The following TNIK variants were observed in gnomAD, a reference collection of about 807,000 sequenced individuals.
TNIK encodes the protein TRAF2 and NCK interacting kinase, also known as TRAF2 and NCK-interacting protein kinase.
A neutral mutation model predicts 191.3 loss-of-function variants in TNIK; 49 were observed. The ratio of observed to expected loss-of-function variants is 0.26; its 90% CI spans 0.20 to 0.32. The LOEUF (loss-of-function observed/expected upper bound fraction) is 0.32. Among genes scored for constraint, TNIK ranks in the 10% least tolerant of loss-of-function variants. TNIK has a pLI of 1.00. For synonymous variants in TNIK, 594 were observed against 600.9 expected (o/e 0.99, Z 0.17); for missense variants, 1,155 against 1,702.3 (o/e 0.68, Z 5.66).
At position 171,110,874 on chromosome 3, in the gene TNIK, G is replaced by A; in HGVS notation, c.2124C>T (p.Asn708=). 1 of 1,600,242 alleles carries A rather than the reference G, an allele frequency of 6.2e-7. No homozygotes were observed. Among genetic ancestry groups the A allele is most frequent in the Non-Finnish European group, 8.5e-7 (1 of 1,174,092 alleles). ...RLGSQPIRAS[N]PDLRRTEPIL... is the part of the protein sequence containing the mutation. ...TGGGCTCAGTTCTCCGGAGATCAGG[G>A]TTGCTGTGTGAGTGACAGAGCACAC... Residue 708 remains asparagine (N), a synonymous_variant, in exon 19 of 33, where the codon AAC becomes AAT. Transcript: ENST00000436636.
intron 1 of TNIK, among the ~76,000 whole-genome samples, chr3:171,394,460 T>G (rs181588641): frequency 6.6e-6 from 1 of 152,296 alleles, no homozygotes; most frequent in East Asian, 1.9e-4. Context: ...CACACTCTAA[T>G]TTGGGGCTCT....
At chr3:171,419,599 G>T (rs1359685763) in intron 1 of TNIK, among the ~76,000 whole-genome samples, 1 of 152,196 alleles carries the variant, frequency 6.6e-6, no homozygotes, top group East Asian at 1.9e-4. Flanking sequence ...GAAGTCCTGG[G>T]CTCAGATCCC....
intron 15 of TNIK, among the ~76,000 whole-genome samples, chr3:171,136,155 A>T (rs1183712158): frequency 6.6e-6 from 1 of 152,196 alleles, no homozygotes; most frequent in Non-Finnish European, 1.5e-5. Flanking sequence ...CAACATAATG[A>T]TCTTTTCCAA....
At chr3:171,172,075 G>A (rs555696915) in intron 9 of TNIK, among the ~76,000 whole-genome samples, 5 of 152,238 alleles carry the variant, frequency 3.3e-5, no homozygotes, top group African/African-American at 1.2e-4. Context: ...TTCCCTCCAC[G>A]ATGACAGTGG....
At chr3:171,456,275 GT>G (rs1728788048) in intron 1 of TNIK, among the ~76,000 whole-genome samples, 5 of 152,206 alleles carry the variant, frequency 3.3e-5, no homozygotes, top group Admixed American at 3.3e-4. Flanking sequence ...CGCCTCATAT[GT>G]AATAAAGCAC....
chr3:171,108,073 G>T lies in TNIK; in HGVS notation c.2374C>A (p.Arg792=). 1.3e-6 allele frequency: 2 copies of T among 1,564,506 alleles called. No homozygotes were observed. The highest frequency in any genetic ancestry group is 1.7e-6 in the Non-Finnish European group (2 of 1,153,452). ...GAGAGAAAAGCACTCACAGCTGGTCGACTGGGCCGGGTAATGTCCCTGGAT... is the reference window on the plus strand; with the variant it reads ...GAGAGAAAAGCACTCACAGCTGGTCTACTGGGCCGGGTAATGTCCCTGGAT... ...EESRDITRPS[R]PASYKKAIDE... The change falls in exon 20 of 33, where the codon CGA becomes AGA. Residue 792 remains arginine, a synonymous_variant. Transcript: ENST00000436636.
At chr3:171,194,385 C>G in intron 5 of TNIK, 140 bp downstream of exon 5, 1 of 733,232 alleles carries the variant, frequency 1.4e-6, no homozygotes, top group South Asian at 1.9e-5. Flanking sequence ...ACCACCACCA[C>G]TGATAGGATA....
chr3:171,148,629 A>C (rs1731966669), intron 12 of TNIK, among the ~76,000 whole-genome samples: 1 of 152,202 alleles, frequency 6.6e-6, no homozygotes, highest in African/African-American at 2.4e-5. Context: ...GTATTTACAG[A>C]GAGGGCCACT....
At chr3:171,092,729 T>A (rs370405124) in intron 23 of TNIK, among the ~76,000 whole-genome samples, 21 of 152,366 alleles carry the variant, frequency 1.4e-4, no homozygotes, top group African/African-American at 5.0e-4. Context: ...CCACTGCTAA[T>A]TATTATTTCA....
chr3:171,125,353 G>C (rs188568233), intron 17 of TNIK, among the ~76,000 whole-genome samples: 1 of 152,114 alleles, frequency 6.6e-6, no homozygotes, highest in Non-Finnish European at 1.5e-5. Flanking sequence ...TGGAATGGCT[G>C]GTCATTTTAC....
At chr3:171,377,015 C>T (rs1218056858) in intron 1 of TNIK, among the ~76,000 whole-genome samples, 2 of 152,168 alleles carry the variant, frequency 1.3e-5, no homozygotes, top group Non-Finnish European at 2.9e-5. Context: ...TGCATTTTTA[C>T]AATGTCGCAT....
intron 28 of TNIK, among the ~76,000 whole-genome samples, chr3:171,071,607 A>ATG (rs1193001872): frequency 6.6e-6 from 1 of 152,122 alleles, no homozygotes. Context: ...CTAGGTCTTG[A>ATG]TGTTGATATT....
intron 9 of TNIK, among the ~76,000 whole-genome samples, chr3:171,170,740 A>G (rs983007688): frequency 1.1e-4 from 17 of 152,186 alleles, no homozygotes; most frequent in African/African-American, 4.1e-4. Flanking sequence ...ATCCGCCTTT[A>G]GGACTTAGGA....
intron 8 of TNIK, among the ~76,000 whole-genome samples, chr3:171,176,071 A>G (rs1271153049): frequency 1.3e-5 from 2 of 152,336 alleles, no homozygotes; most frequent in Admixed American, 6.5e-5. Context: ...CTTTTCAAAC[A>G]TCTGGGAGAA....
intron 2 of TNIK, among the ~76,000 whole-genome samples, chr3:171,321,805 A>T (rs1406121549): frequency 2.6e-5 from 4 of 152,218 alleles, no homozygotes; most frequent in African/African-American, 9.6e-5. Context: ...CCACTATTTT[A>T]AAAATAAATA....
At chr3:171,078,681 A>G (rs1221010431) in intron 28 of TNIK, among the ~76,000 whole-genome samples, 3 of 152,080 alleles carry the variant, frequency 2.0e-5, no homozygotes, top group African/African-American at 4.8e-5. Flanking sequence ...ACTCCTTGGT[A>G]TAGACAGGCT....
chr3:171,423,333 G>A (rs978433907), intron 1 of TNIK, among the ~76,000 whole-genome samples: 1 of 151,990 alleles, frequency 6.6e-6, no homozygotes, highest in African/African-American at 2.4e-5. Flanking sequence ...AAATAAAAGA[G>A]GATACAAACA....
At chr3:171,210,991 G>C (rs1211468900) in intron 4 of TNIK, 125 bp downstream of exon 4, 6 of 1,198,924 alleles carry the variant, frequency 5.0e-6, no homozygotes, top group South Asian at 4.4e-5. Context: ...ATATGTTACG[G>C]ACATCATGGG....
In TNIK at chr3:171,128,891, A is replaced by C; in HGVS notation, c.1609-13T>G. On this transcript the variant is annotated splice_polypyrimidine_tract_variant and intron_variant, in intron 15 of 32. Coordinates refer to ENST00000436636, the MANE Select transcript of TNIK (RefSeq NM_015028.4). Reference sequence around the variant, plus strand: ...ACCGTTCTTCTACCTACAACCCAAAAAAAAAAAAAAAAAAAAGACAGCCTC... The same window carrying C: ...ACCGTTCTTCTACCTACAACCCAAACAAAAAAAAAAAAAAAAGACAGCCTC... 3 of 1,131,680 alleles carry C rather than the reference A, an allele frequency of 2.7e-6. No homozygotes were observed. Among genetic ancestry groups the C allele is most frequent in the South Asian group, 1.7e-5 (1 of 60,176 alleles). 70.1% of individuals were successfully genotyped at this position (1,131,680 alleles called of 1,614,324 possible). A position where few individuals can be genotyped will look rare whatever the true frequency, so the allele number is the denominator to read the frequency against.
Sources: gnomAD v4.1 joint callset for allele counts (sites outside exome capture counted in the v4.1 genomes callset) on GRCh38, gnomAD v4.1.1 for gene constraint, MANE v1.5 for transcripts, NCBI Gene and HGNC (gene_info 2026-07-23, HGNC 2026-07-21) for gene names.